The following APOO variants were observed in gnomAD, a reference collection of about 807,000 sequenced individuals.
APOO encodes apolipoprotein O.
APOO carries 11 observed loss-of-function variants against 23.1 expected under a neutral mutation model. That is an observed-to-expected ratio of 0.48 (90% CI 0.30 to 0.79). APOO has a LOEUF of 0.79. Among genes scored for constraint, APOO ranks in the 30% least tolerant of loss-of-function variants. APOO has a pLI of 0.07. For synonymous variants in APOO, 59 were observed against 54.8 expected, an observed-to-expected ratio of 1.08 and a Z score of -0.34; for missense variants, 160 against 142.7, an observed-to-expected ratio of 1.12 and a Z score of -0.62.
At chrX:23,846,949 T>C (rs894197151) in intron 7 of APOO, among the ~76,000 whole-genome samples, 1 of 111,390 alleles carries the variant, frequency 9.0e-6, no homozygotes, top group African/African-American at 3.3e-5. Context: ...TCTGCAAACA[T>C]CTGGCCAAAA....
intron 7 of APOO, among the ~76,000 whole-genome samples, chrX:23,851,947 C>G (rs1219546052): frequency 9.0e-6 from 1 of 111,239 alleles, no homozygotes; most frequent in Admixed American, 9.6e-5. Context: ...ATTTAGAGAC[C>G]GAGTCTCGCT....
intron 4 of APOO, among the ~76,000 whole-genome samples, chrX:23,869,602 C>G (rs760387388): frequency 4.9e-5 from 4 of 82,397 alleles, no homozygotes; most frequent in South Asian, 1.5e-3. Flanking sequence ...GACAGCCTGA[C>G]AGCCTGAGCC....
At chrX:23,872,172 A>T (rs781111612) in intron 4 of APOO, among the ~76,000 whole-genome samples, 13 of 111,565 alleles carry the variant, frequency 1.2e-4, no homozygotes, top group Non-Finnish European at 1.9e-4. Flanking sequence ...TAAATCACAA[A>T]GAAAGGGGAA....
chrX:23,873,959 AAAGT>A (rs1693756516), intron 4 of APOO, among the ~76,000 whole-genome samples: 1 of 111,832 alleles, frequency 8.9e-6, no homozygotes, highest in African/African-American at 3.2e-5. Context: ...AAATGAAAAA[AAAGT>A]AAGAACACTA....
In APOO at chrX:23,878,826, C is replaced by A. The variant is rs1925978569; in HGVS notation, c.237+89G>T. On this transcript the variant is annotated intron_variant, in intron 3 of 8. Coordinates refer to ENST00000379226, the MANE Select transcript of APOO (RefSeq NM_024122.5). ...AACCATCTCAGGGCCCTTTATCATG[C>A]CTTTTTCCAAAAACATGCAGCCAAT... The A allele has an allele frequency of 1.6e-5, 18 of 1,093,593 alleles. No homozygotes were observed. The South Asian group carries it at 3.8e-4, about 23-fold the overall frequency. The allele number at this position is 1,093,593 out of a possible 1,213,427, so 90.1% of individuals were successfully genotyped here. A position where few individuals can be genotyped will look rare whatever the true frequency, so the allele number is the denominator to read the frequency against.
chrX:23,850,438 T>C, intron 7 of APOO, among the ~76,000 whole-genome samples: 1 of 112,258 alleles, frequency 8.9e-6, no homozygotes, highest in African/African-American at 3.2e-5. Flanking sequence ...AACCCTGGTC[T>C]AGAAAAATTC....
chrX:23,881,298 C>T (rs974298856), intron 1 of APOO, among the ~76,000 whole-genome samples: 1 of 109,389 alleles, frequency 9.1e-6, no homozygotes, highest in African/African-American at 3.3e-5. Context: ...TGGTCTCGAA[C>T]TCCCGACTTC....
At chrX:23,907,552 G>A (rs1435288972) in intron 1 of APOO, 142 bp downstream of exon 1, 13 of 632,894 alleles carry the variant, frequency 2.1e-5, no homozygotes, top group Non-Finnish European at 2.9e-5. Flanking sequence ...GAACCGCGGG[G>A]CCGGGACGCA....
chrX:23,841,692 G>A (rs988307506), intron 7 of APOO, among the ~76,000 whole-genome samples: 1 of 108,401 alleles, frequency 9.2e-6, no homozygotes, highest in Admixed American at 1.0e-4. Flanking sequence ...TCCTCCTCCA[G>A]AGCCACTCCC....
chrX:23,873,875 G>A (rs1159856506), intron 4 of APOO, among the ~76,000 whole-genome samples: 1 of 111,592 alleles, frequency 9.0e-6, no homozygotes, highest in Non-Finnish European at 1.9e-5. Context: ...GTCAGAACAT[G>A]GACTGTGAAT....
chrX:23,865,102 G>A (rs1235092678), intron 5 of APOO, among the ~76,000 whole-genome samples: 1 of 111,643 alleles, frequency 9.0e-6, no homozygotes, highest in Non-Finnish European at 1.9e-5. Flanking sequence ...CACTGCCAGG[G>A]GCGGGGGGAA....
intron 4 of APOO, among the ~76,000 whole-genome samples, chrX:23,871,143 T>C (rs1446888323): frequency 9.8e-6 from 1 of 102,016 alleles, no homozygotes; most frequent in Non-Finnish European, 2.0e-5. Flanking sequence ...TGATAAATAC[T>C]GGATGTATTC....
At chrX:23,881,754 T>C (rs1477354607) in intron 1 of APOO, among the ~76,000 whole-genome samples, 4 of 89,010 alleles carry the variant, frequency 4.5e-5, no homozygotes, top group Admixed American at 1.3e-4. Flanking sequence ...CTGGCCAACA[T>C]AGTGAAATCC....
rs751892545 is a variant in APOO, at chrX:23,906,582, C to T, written c.9+1112G>A. Among the ~76,000 whole-genome samples the T allele has an allele frequency of 8.0e-5, 9 of 112,791 alleles. No individual in the cohort carries two copies. The South Asian group carries it at 3.2e-3, about 41-fold the overall frequency. On this transcript the variant is annotated intron_variant, in intron 1 of 8. Coordinates refer to ENST00000379226, the MANE Select transcript of APOO (RefSeq NM_024122.5). ...CTGAAATGGAGCTGAGCTCCTAGCA[C>T]ATAACAGGTGTTTAACACACAAATT...
chrX:23,904,097 C>T (rs1927246695), intron 1 of APOO, among the ~76,000 whole-genome samples: 1 of 111,733 alleles, frequency 8.9e-6, no homozygotes, highest in Non-Finnish European at 1.9e-5. Context: ...GAACACGACT[C>T]ATGATATGTA....
chrX:23,840,267 G>C, intron 8 of APOO, 46 bp downstream of exon 8: 2 of 759,841 alleles, frequency 2.6e-6, no homozygotes, highest in Non-Finnish European at 3.7e-6. Flanking sequence ...CATTTCAGCT[G>C]GCACTACAAT....
intron 1 of APOO, among the ~76,000 whole-genome samples, chrX:23,893,243 C>G (rs2147041389): frequency 9.5e-6 from 1 of 104,946 alleles, no homozygotes; most frequent in East Asian, 3.0e-4. Context: ...TGGTGAAACC[C>G]CATCTCTACT....
At chrX:23,902,818 C>T (rs1211432770) in intron 1 of APOO, among the ~76,000 whole-genome samples, 7 of 111,425 alleles carry the variant, frequency 6.3e-5, no homozygotes, top group Non-Finnish European at 1.3e-4. Flanking sequence ...TTCTAGTTAA[C>T]CCAAGCTGTT....
At chrX:23,842,548 T>C (rs967552612) in intron 7 of APOO, among the ~76,000 whole-genome samples, 13 of 112,046 alleles carry the variant, frequency 1.2e-4, no homozygotes, top group African/African-American at 4.2e-4. Context: ...TTCTAATTAG[T>C]ATGACTGCCA....
Sources: gnomAD v4.1 joint callset for allele counts (sites outside exome capture counted in the v4.1 genomes callset) on GRCh38, gnomAD v4.1.1 for gene constraint, MANE v1.5 for transcripts, NCBI Gene and HGNC (gene_info 2026-07-23, HGNC 2026-07-21) for gene names.